The following EYS variants were observed in gnomAD, a reference collection of about 807,000 sequenced individuals.
The protein encoded by EYS is EGF-like photoreceptor maintenance factor.
A neutral mutation model predicts 282.1 loss-of-function variants in EYS; 250 were observed. That is an observed-to-expected ratio of 0.89 (90% CI 0.80 to 0.98). The LOEUF (loss-of-function observed/expected upper bound fraction) is 0.98. Among genes scored for constraint, EYS ranks in the 50% least tolerant of loss-of-function variants. EYS has a pLI of 0.00. For missense variants in EYS, 4,016 were observed against 3,709.0 expected (o/e 1.08, Z -2.15); for synonymous variants, 1,355 against 1,282.9 (o/e 1.06, Z -1.20).
intron 13 of EYS, among the ~76,000 whole-genome samples, chr6:65,022,593 C>G (rs113623913): frequency 0.083 from 12,657 of 151,658 alleles, 719 homozygotes; most frequent in African/African-American, 0.16. Context: ...AAGACAGTTA[C>G]TTGAATCCAT....
intron 7 of EYS, among the ~76,000 whole-genome samples, chr6:65,386,169 G>T (rs1178240322): frequency 1.4e-5 from 2 of 144,916 alleles, no homozygotes; most frequent in Non-Finnish European, 3.0e-5. Context: ...AACAGAGCAG[G>T]TTTTATTGAT....
intron 37 of EYS, among the ~76,000 whole-genome samples, chr6:63,795,208 G>A (rs1770614264): frequency 6.6e-6 from 1 of 152,268 alleles, no homozygotes; most frequent in Admixed American, 6.5e-5. Flanking sequence ...TCATAAGATT[G>A]GTTAGAGCAA....
intron 29 of EYS, among the ~76,000 whole-genome samples, chr6:64,348,696 C>A (rs1771506815): frequency 1.3e-5 from 2 of 151,564 alleles, no homozygotes; most frequent in South Asian, 4.1e-4. Flanking sequence ...TCTTTCAAAT[C>A]TTTGCAGTTC....
At chr6:64,240,368 C>T (rs1214334174) in intron 30 of EYS, among the ~76,000 whole-genome samples, 1 of 152,072 alleles carries the variant, frequency 6.6e-6, no homozygotes. Context: ...CATGATATTG[C>T]TACTTCCTAT....
intron 36 of EYS, among the ~76,000 whole-genome samples, chr6:63,855,272 T>C (rs1373724091): frequency 6.6e-6 from 1 of 152,228 alleles, no homozygotes; most frequent in Non-Finnish European, 1.5e-5. Context: ...AGTTTTTCCA[T>C]CTGTACAATG....
intron 41 of EYS, chr6:63,744,908 G>T: frequency 3.1e-6 from 1 of 326,604 alleles, no homozygotes; most frequent in Non-Finnish European, 5.9e-6. Flanking sequence ...GTTGACTTTT[G>T]TTTCCAGCAG....
chr6:64,985,473 AT>A (rs1411314061), intron 14 of EYS, among the ~76,000 whole-genome samples: 1 of 151,550 alleles, frequency 6.6e-6, no homozygotes, highest in African/African-American at 2.4e-5. Flanking sequence ...TCAACTGCAT[AT>A]TCTAAGCTGC....
At chr6:64,017,041 T>C (rs1017091286) in intron 33 of EYS, among the ~76,000 whole-genome samples, 14 of 151,866 alleles carry the variant, frequency 9.2e-5, no homozygotes, top group Admixed American at 8.5e-4. Context: ...CTCTAATTCC[T>C]GTCCTCTGCT....
At chr6:63,906,867 C>T (rs1273356583) in intron 35 of EYS, among the ~76,000 whole-genome samples, 1 of 150,528 alleles carries the variant, frequency 6.6e-6, no homozygotes, top group East Asian at 1.9e-4. Flanking sequence ...GTATATTGAT[C>T]ATATTGAAAT....
intron 12 of EYS, among the ~76,000 whole-genome samples, chr6:65,078,383 T>C (rs1774122260): frequency 6.6e-6 from 1 of 152,074 alleles, no homozygotes; most frequent in Non-Finnish European, 1.5e-5. Flanking sequence ...CAATTGTCAA[T>C]TGAGGAAGTT....
rs539266437 is a variant in EYS at position 64,985,966 on chromosome 6, C to G, written c.2259+11616G>C. Among the ~76,000 whole-genome samples the G allele has an allele frequency of 3.3e-5, 5 of 151,632 alleles. No individual in the cohort carries two copies. The South Asian group carries it at 1.0e-3, about 31-fold the overall frequency. On this transcript the variant is annotated intron_variant, in intron 14 of 42. Transcript: ENST00000503581. ...TATCACGTTTTCCAGAATCCAGCTA[C>G]GTTCTGTCACAGCTCTCCATACTCA...
At chr6:64,769,681 G>A (rs1380003957) in intron 22 of EYS, among the ~76,000 whole-genome samples, 1 of 151,912 alleles carries the variant, frequency 6.6e-6, no homozygotes, top group African/African-American at 2.4e-5. Flanking sequence ...CCTAAAAAAT[G>A]TATCCAGCTT....
At chr6:64,853,439 C>T (rs954530978) in intron 19 of EYS, among the ~76,000 whole-genome samples, 2 of 152,188 alleles carry the variant, frequency 1.3e-5, no homozygotes, top group South Asian at 2.1e-4. Flanking sequence ...ACTTCACAGC[C>T]GACTATGAGA....
At chr6:65,227,598 G>A (rs1214233214) in intron 12 of EYS, among the ~76,000 whole-genome samples, 2 of 151,932 alleles carry the variant, frequency 1.3e-5, no homozygotes, top group African/African-American at 4.8e-5. Context: ...TTGAAAGCAG[G>A]AACTCAAACA....
intron 28 of EYS, among the ~76,000 whole-genome samples, chr6:64,421,858 GGGGT>G (rs746096928): frequency 0.17 from 9,030 of 52,550 alleles, 358 homozygotes; most frequent in South Asian, 0.4. Context: ...TTTTGTTTGG[GGGGT>G]GTGTGTGTGT....
intron 41 of EYS, among the ~76,000 whole-genome samples, chr6:63,727,737 A>AAATATATATATATATATAT (rs1554164607): frequency 1.9e-4 from 7 of 36,728 alleles, no homozygotes; most frequent in Non-Finnish European, 3.0e-4. Context: ...AAAAAAAAAA[A>AAATATATATATATATATAT]ATATATATAT....
chr6:65,386,252 C>T (rs770319076), intron 7 of EYS, among the ~76,000 whole-genome samples: 1 of 151,480 alleles, frequency 6.6e-6, no homozygotes, highest in Non-Finnish European at 1.5e-5. Flanking sequence ...CAAATACTAT[C>T]TGCAATGTGT....
intron 5 of EYS, among the ~76,000 whole-genome samples, chr6:65,450,450 T>C (rs867959664): frequency 2.6e-5 from 4 of 152,150 alleles, no homozygotes; most frequent in African/African-American, 2.4e-5. Flanking sequence ...GAGTTTAATG[T>C]ATGGAATCAA....
At chr6:65,338,282 C>T (rs1163932207) in intron 10 of EYS, among the ~76,000 whole-genome samples, 2 of 148,378 alleles carry the variant, frequency 1.3e-5, no homozygotes, top group Non-Finnish European at 3.0e-5. Context: ...ATAAAATTTA[C>T]ACATAAGAAG....
Sources: gnomAD v4.1 joint callset for allele counts (sites outside exome capture counted in the v4.1 genomes callset) on GRCh38, gnomAD v4.1.1 for gene constraint, MANE v1.5 for transcripts, NCBI Gene and HGNC (gene_info 2026-07-23, HGNC 2026-07-21) for gene names.